Variants in RSPH14 observed in about 807,000 individuals in gnomAD.
The protein encoded by RSPH14 is radial spoke head 14 homolog, also known as rhabdoid tumor deletion region gene 1.
In RSPH14, 20 loss-of-function variants were observed where a neutral mutation model predicts 26.7. The ratio of observed to expected loss-of-function variants is 0.75; its 90% CI spans 0.53 to 1.09. The LOEUF is 1.09. Among genes scored for constraint, RSPH14 ranks in the 50% least tolerant of loss-of-function variants. RSPH14 has a pLI of 0.00. For missense variants in RSPH14, 449 were observed against 457.2 expected (o/e 0.98, Z 0.16); for synonymous variants, 177 against 189.3 (o/e 0.93, Z 0.53).
At chr22:23,161,741 G>A in the RSPH14 span, 11 of 598,804 alleles carry the variant, frequency 1.8e-5, no homozygotes, top group South Asian at 6.0e-5. Flanking sequence ...TCACTTGTCC[G>A]TTGCAGGTTG....
In RSPH14 at chr22:23,138,849, C is replaced by T; in HGVS notation, c.293G>A (p.Ser98Asn). ...TEVLHITASH[S>N]VGRYAFLEHD... ...CAGAACAGCATCCCACCTGCCCACG[C>T]TATGGCTTGCCGTGATGTGGAGCAC... The change falls in exon 3 of 7, where the codon AGC (serine) becomes AAC (asparagine). Residue 98 changes from serine (S) to asparagine (N), a missense_variant. By Grantham distance (46) the Ser-to-Asn change is conservative. Coordinates refer to ENST00000216036, the MANE Select transcript of RSPH14 (RefSeq NM_014433.3). The T allele has an allele frequency of 2.6e-6, 4 of 1,551,594 alleles. No individual in the cohort carries two copies. The highest frequency in any genetic ancestry group is 3.5e-6 in the Non-Finnish European group (4 of 1,147,112).
intron 4 of RSPH14, among the ~76,000 whole-genome samples, chr22:23,109,723 T>C (rs1601818456): frequency 6.6e-6 from 1 of 152,062 alleles, no homozygotes; most frequent in Non-Finnish European, 1.5e-5. Context: ...GGCAGCAGGG[T>C]TCAGTGTTAA....
the RSPH14 span, chr22:23,163,609 C>CG: frequency 6.9e-6 from 1 of 144,278 alleles, no homozygotes; most frequent in Non-Finnish European, 1.6e-5. Flanking sequence ...GGTGAAAGCC[C>CG]CCCCCCCGCC....
At chr22:23,103,363 G>A (rs1318961647) in intron 4 of RSPH14, among the ~76,000 whole-genome samples, 1 of 152,204 alleles carries the variant, frequency 6.6e-6, no homozygotes, top group Non-Finnish European at 1.5e-5. Context: ...ATGGCGGGGA[G>A]AGTCTGCCAG....
At chr22:23,077,437 C>A (rs1225686930) in intron 4 of RSPH14, among the ~76,000 whole-genome samples, 1 of 152,212 alleles carries the variant, frequency 6.6e-6, no homozygotes, top group African/African-American at 2.4e-5. Context: ...AGAGACTCAA[C>A]CACTCTACAA....
intron 4 of RSPH14, among the ~76,000 whole-genome samples, chr22:23,129,055 C>T (rs533443885): frequency 2.6e-5 from 4 of 152,272 alleles, no homozygotes; most frequent in Admixed American, 2.6e-4. Context: ...GATGGTACTG[C>T]CCAAGGTCAC....
At chr22:23,156,162 C>G in the RSPH14 span, 2 of 755,120 alleles carry the variant, frequency 2.6e-6, no homozygotes, top group Admixed American at 6.0e-5. Flanking sequence ...TGAGAAAACA[C>G]CAGGCCACTG....
At chr22:23,151,789 G>T in the RSPH14 span, among the ~76,000 whole-genome samples, 1 of 152,136 alleles carries the variant, frequency 6.6e-6, no homozygotes, top group African/African-American at 2.4e-5. Context: ...TGAGGGTGGC[G>T]GCTGCTCTTG....
intron 4 of RSPH14, among the ~76,000 whole-genome samples, chr22:23,115,055 G>A (rs1312296714): frequency 1.3e-5 from 2 of 152,164 alleles, no homozygotes; most frequent in Admixed American, 6.5e-5. Context: ...TGAGGTTTGA[G>A]GCCCCTAGTT....
chr22:23,097,183 G>A (rs1046219027), intron 4 of RSPH14, among the ~76,000 whole-genome samples: 6 of 152,210 alleles, frequency 3.9e-5, no homozygotes, highest in Non-Finnish European at 8.8e-5. Context: ...GGATGGGGGA[G>A]TGGGGGCAAA....
intron 4 of RSPH14, among the ~76,000 whole-genome samples, chr22:23,079,184 G>A (rs898815175): frequency 2.0e-5 from 3 of 152,258 alleles, no homozygotes; most frequent in Non-Finnish European, 2.9e-5. Context: ...ATTATACAGT[G>A]TGCTAGAAAG....
chr22:23,063,809 A>C, intron 5 of RSPH14, 93 bp downstream of exon 5: 1 of 1,167,840 alleles, frequency 8.6e-7, no homozygotes, highest in South Asian at 1.4e-5. Flanking sequence ...AAGGGGAAGC[A>C]GGCCCAGGGT....
chr22:23,161,874 C>T, the RSPH14 span: 1 of 374,730 alleles, frequency 2.7e-6, no homozygotes, highest in Non-Finnish European at 4.9e-6. Context: ...CACCTTTGGC[C>T]TCAAGAGGCC....
At chr22:23,148,102 G>T (rs1385599711), upstream of RSPH14, among the ~76,000 whole-genome samples, 1 of 152,162 alleles carries the variant, frequency 6.6e-6, no homozygotes, top group East Asian at 1.9e-4. Flanking sequence ...GGCTGGTGAG[G>T]AGGAGGTGAC....
chr22:23,062,848 A>G (rs2068123386), intron 5 of RSPH14, among the ~76,000 whole-genome samples: 2 of 152,370 alleles, frequency 1.3e-5, no homozygotes, highest in South Asian at 4.1e-4. Context: ...TTTGTTCACA[A>G]GAGTGGGGAC....
At chr22:23,154,323 G>T in the RSPH14 span, among the ~76,000 whole-genome samples, 1 of 152,172 alleles carries the variant, frequency 6.6e-6, no homozygotes, top group Admixed American at 6.5e-5. Flanking sequence ...TCCATGCCCT[G>T]CCTGGACTGA....
chr22:23,097,453 C>T (rs1340463791), intron 4 of RSPH14, among the ~76,000 whole-genome samples: 1 of 152,232 alleles, frequency 6.6e-6, no homozygotes. Flanking sequence ...GAGAGAGGAT[C>T]TTTGGCTTTC....
rs775859719 is a variant in RSPH14, at chr22:23,063,917, G to T, written c.638C>A (p.Ala213Glu). ...CAGGCCTCACCTGACATTAAGGAGC[G>T]CACGGGCGGCCTTGCTGCGGATGTT... Reference protein sequence around the residue: ...NQNIRSKAARALLNVSISREG... With the variant: ...NQNIRSKAARELLNVSISREG... Residue 213 changes from alanine (A) to glutamate (E), a missense_variant, in exon 5 of 7, where the codon GCG becomes GAG. Coordinates refer to ENST00000216036, the MANE Select transcript of RSPH14 (RefSeq NM_014433.3). 5 of 1,614,108 alleles carry T rather than the reference G, an allele frequency of 3.1e-6. No individual in the cohort carries two copies. Among genetic ancestry groups the T allele is most frequent in the Non-Finnish European group, 4.2e-6 (5 of 1,179,988 alleles).
At chr22:23,093,231 C>T (rs955326385) in intron 4 of RSPH14, among the ~76,000 whole-genome samples, 1 of 152,228 alleles carries the variant, frequency 6.6e-6, no homozygotes, top group Non-Finnish European at 1.5e-5. Flanking sequence ...GGCTGAGTGA[C>T]TGTTTAATCA....
Sources: gnomAD v4.1 joint callset for allele counts (sites outside exome capture counted in the v4.1 genomes callset) on GRCh38, gnomAD v4.1.1 for gene constraint, MANE v1.5 for transcripts, NCBI Gene and HGNC (gene_info 2026-07-23, HGNC 2026-07-21) for gene names.